Variants in FAM216A observed in about 807,000 individuals in gnomAD.
FAM216A encodes the protein family with sequence similarity 216 member A, also known as protein FAM216A.
A neutral mutation model predicts 37.6 loss-of-function variants in FAM216A; 26 were observed. The ratio of observed to expected loss-of-function variants is 0.69; its 90% CI spans 0.51 to 0.96. The LOEUF (loss-of-function observed/expected upper bound fraction) is 0.96, where lower values mean the gene tolerates loss of function less well. Ranked by LOEUF, FAM216A falls within the 40% of genes least tolerant of loss-of-function variation. The pLI is 0.00. For synonymous variants in FAM216A, 110 were observed against 121.7 expected (o/e 0.90, Z 0.64); for missense variants, 326 against 339.3 (o/e 0.96, Z 0.31).
intron 2 of FAM216A, among the ~76,000 whole-genome samples, chr12:110,477,703 A>G (rs866772693): frequency 1.5e-4 from 22 of 148,444 alleles, no homozygotes; most frequent in African/African-American, 5.2e-4. Flanking sequence ...ATGGCTAGAA[A>G]TATGTGCTTT....
At chr12:110,476,362 G>A (rs1488359598) in intron 2 of FAM216A, among the ~76,000 whole-genome samples, 2 of 151,678 alleles carry the variant, frequency 1.3e-5, no homozygotes, top group African/African-American at 2.4e-5. Flanking sequence ...ACCACGCCCC[G>A]CTAATTGTTT....
upstream of FAM216A, chr12:110,468,670 A>G: frequency 1.3e-6 from 2 of 1,536,230 alleles, no homozygotes; most frequent in Non-Finnish European, 1.7e-6. Flanking sequence ...CTGCTTCCAC[A>G]GAGAGGTGCA....
At chr12:110,470,462 A>G (rs2062678841) in intron 1 of FAM216A, among the ~76,000 whole-genome samples, 1 of 148,072 alleles carries the variant, frequency 6.8e-6, no homozygotes, top group Admixed American at 6.8e-5. Flanking sequence ...CTGGTGTATC[A>G]GGAGATACGT....
intron 3 of FAM216A, among the ~76,000 whole-genome samples, 197 bp from the exon 4 acceptor site, chr12:110,486,128 G>A (rs527753719): frequency 1.2e-3 from 188 of 152,276 alleles, no homozygotes; most frequent in African/African-American, 4.3e-3. Flanking sequence ...TGAATCACCC[G>A]AGTGGAATGG....
At chr12:110,476,223 G>A (rs1378791551) in intron 2 of FAM216A, among the ~76,000 whole-genome samples, 6 of 148,206 alleles carry the variant, frequency 4.0e-5, no homozygotes, top group Admixed American at 3.4e-4. Flanking sequence ...TTTTTGAGAC[G>A]GAGTTTTGCC....
chr12:110,477,750 C>G (rs924372774), intron 2 of FAM216A, among the ~76,000 whole-genome samples: 1 of 142,706 alleles, frequency 7.0e-6, no homozygotes, highest in Non-Finnish European at 1.5e-5. Flanking sequence ...CTCTGTCGCG[C>G]AGGCTGGAGT....
rs2062771711 is a variant in FAM216A, at chr12:110,485,342, C to CT, written c.306+146dup. 4.9e-6 allele frequency: 3 copies of CT among 611,968 alleles called. No homozygotes were observed. In the South Asian group the frequency reaches 7.9e-5, roughly 16 times the overall value. The allele number at this position is 611,968 out of a possible 1,614,324, so 37.9% of individuals were successfully genotyped here. ...TAATTGTCTAGGAGTCAATAAATATCTTTGAGTAAACTCATGAATGAATGT... is the reference window on the plus strand; with the variant it reads ...TAATTGTCTAGGAGTCAATAAATATCTTTTGAGTAAACTCATGAATGAATGT... On this transcript the variant is annotated intron_variant, in intron 3 of 6. Transcript: ENST00000377673.
At chr12:110,469,740 C>T (rs1414402796) in intron 1 of FAM216A, among the ~76,000 whole-genome samples, 1 of 152,046 alleles carries the variant, frequency 6.6e-6, no homozygotes, top group Non-Finnish European at 1.5e-5. Flanking sequence ...GAACCCCTGA[C>T]CTCAAGTGAG....
intron 6 of FAM216A, among the ~76,000 whole-genome samples, chr12:110,489,667 G>C (rs913391306): frequency 1.3e-4 from 20 of 152,228 alleles, no homozygotes; most frequent in African/African-American, 4.6e-4. Context: ...GTAGGGGGGG[G>C]AGTCCCTGTG....
rs772302454 is a variant in FAM216A at position 110,469,064 on chromosome 12, G to T, written c.143+46G>T. The T allele has an allele frequency of 3.7e-5, 51 of 1,385,496 alleles. No individual in the cohort carries two copies. In the South Asian group the frequency reaches 7.4e-4, roughly 20 times the overall value. 85.8% of individuals were successfully genotyped at this position (1,385,496 alleles called of 1,614,324 possible). On this transcript the variant is annotated intron_variant, in intron 1 of 6. Transcript: ENST00000377673. ...GTAAGGGTGGCAGCATGGGGCCCCC[G>T]GGTCGTGAGGCCCCCGGGTCGTGAG...
chr12:110,487,801 C>A, intron 5 of FAM216A, 60 bp from the exon 6 acceptor site: 2 of 1,007,612 alleles, frequency 2.0e-6, no homozygotes, highest in Non-Finnish European at 3.1e-6. Flanking sequence ...TGGTCTTCCA[C>A]ATGCCCTAGG....
At chr12:110,488,083 C>A in intron 6 of FAM216A, 140 bp downstream of exon 6, 1 of 626,576 alleles carries the variant, frequency 1.6e-6, no homozygotes, top group South Asian at 2.0e-5. Context: ...AATAAAAAAC[C>A]AAACATAAAA....
At chr12:110,477,213 A>G (rs1273907265) in intron 2 of FAM216A, among the ~76,000 whole-genome samples, 1 of 152,152 alleles carries the variant, frequency 6.6e-6, no homozygotes, top group Non-Finnish European at 1.5e-5. Context: ...GGTTCAGGTG[A>G]TGTCTGCCAG....
intron 6 of FAM216A, among the ~76,000 whole-genome samples, chr12:110,489,387 C>T (rs1341000695): frequency 6.6e-6 from 1 of 151,870 alleles, no homozygotes; most frequent in African/African-American, 2.4e-5. Context: ...GCCTGTAATC[C>T]CAGCTACTCG....
At chr12:110,468,432 A>C (rs143230003), upstream of FAM216A, 13,876 of 1,534,758 alleles carry the variant, frequency 9.0e-3, 65 homozygotes, top group Non-Finnish European at 0.01. Flanking sequence ...AAAGTAGTTG[A>C]TGGAAATCGG....
chr12:110,473,696 G>A (rs1447490825), intron 2 of FAM216A, among the ~76,000 whole-genome samples: 1 of 152,148 alleles, frequency 6.6e-6, no homozygotes, highest in African/African-American at 2.4e-5. Flanking sequence ...GAAAAGCACA[G>A]AGCACAGCCT....
At chr12:110,474,357 TA>T (rs1315254970) in intron 2 of FAM216A, among the ~76,000 whole-genome samples, 2 of 152,114 alleles carry the variant, frequency 1.3e-5, no homozygotes, top group Non-Finnish European at 2.9e-5. Context: ...ATATGCCTAG[TA>T]AAAACTCTGA....
chr12:110,478,712 C>G (rs1326351936), intron 2 of FAM216A, among the ~76,000 whole-genome samples: 1 of 152,128 alleles, frequency 6.6e-6, no homozygotes, highest in Admixed American at 6.6e-5. Context: ...CCAGCCCAGG[C>G]ACCCCGATGC....
chr12:110,483,228 G>A (rs1361545238), intron 2 of FAM216A, among the ~76,000 whole-genome samples: 1 of 151,868 alleles, frequency 6.6e-6, no homozygotes, highest in Non-Finnish European at 1.5e-5. Context: ...GGAGGCTGAG[G>A]CAGGAGAATG....
Sources: gnomAD v4.1 joint callset for allele counts (sites outside exome capture counted in the v4.1 genomes callset) on GRCh38, gnomAD v4.1.1 for gene constraint, MANE v1.5 for transcripts, NCBI Gene and HGNC (gene_info 2026-07-23, HGNC 2026-07-21) for gene names.